The following ADAM32 variants were observed in gnomAD, a reference collection of about 807,000 sequenced individuals.
The protein encoded by ADAM32 is disintegrin and metalloproteinase domain-containing protein 32.
ADAM32 carries 89 observed loss-of-function variants against 114.9 expected under a neutral mutation model. The observed-to-expected ratio is 0.77, with a 90% CI of 0.65 to 0.92. ADAM32 has a LOEUF of 0.92. Among genes scored for constraint, ADAM32 ranks in the 40% least tolerant of loss-of-function variants. ADAM32 has a pLI of 0.00. For missense variants in ADAM32, 870 were observed against 932.8 expected, an observed-to-expected ratio of 0.93 and a Z score of 0.88; for synonymous variants, 285 against 307.5, an observed-to-expected ratio of 0.93 and a Z score of 0.77.
intron 3 of ADAM32, 24 bp downstream of exon 3, chr8:39,136,742 G>T: frequency 7.1e-7 from 1 of 1,404,818 alleles, no homozygotes; most frequent in Non-Finnish European, 9.6e-7. Context: ...CTTTAGTTTT[G>T]GATTTTATTT....
At chr8:39,222,783 T>C (rs1809068299) in intron 13 of ADAM32, among the ~76,000 whole-genome samples, 1 of 152,146 alleles carries the variant, frequency 6.6e-6, no homozygotes, top group African/African-American at 2.4e-5. Flanking sequence ...ACATTGAGAC[T>C]ACAAATAAAA....
intron 11 of ADAM32, among the ~76,000 whole-genome samples, chr8:39,206,783 G>A (rs995085130): frequency 5.1e-4 from 78 of 152,128 alleles, no homozygotes; most frequent in African/African-American, 1.8e-3. Flanking sequence ...GTGGGGGTAT[G>A]TCAATGGGAT....
intron 20 of ADAM32, among the ~76,000 whole-genome samples, chr8:39,273,276 C>T (rs989762195): frequency 2.0e-5 from 3 of 152,008 alleles, no homozygotes; most frequent in Non-Finnish European, 2.9e-5. Context: ...GAGGCTGAGG[C>T]GGGCGGATCA....
chr8:39,214,139 A>G (rs1447065180), intron 12 of ADAM32, among the ~76,000 whole-genome samples: 16 of 152,206 alleles, frequency 1.1e-4, no homozygotes, highest in Admixed American at 1.0e-3. Flanking sequence ...ATAGTGCTGC[A>G]GTAAACATGG....
chr8:39,256,070 A>G (rs1309332373), intron 18 of ADAM32, among the ~76,000 whole-genome samples: 1 of 151,798 alleles, frequency 6.6e-6, no homozygotes, highest in Non-Finnish European at 1.5e-5. Flanking sequence ...TCCCTATTCC[A>G]TTCCATTGGT....
At chr8:39,140,727 G>A (rs989516089) in intron 3 of ADAM32, among the ~76,000 whole-genome samples, 11 of 152,150 alleles carry the variant, frequency 7.2e-5, no homozygotes, top group Non-Finnish European at 1.3e-4. Flanking sequence ...CAGAAGGAAT[G>A]GTACCAGCTA....
At chr8:39,119,763 A>G (rs1374469792) in intron 2 of ADAM32, among the ~76,000 whole-genome samples, 16 of 150,910 alleles carry the variant, frequency 1.1e-4, no homozygotes, top group Non-Finnish European at 2.4e-4. Flanking sequence ...GTATCTAAGA[A>G]CTCTGTTATG....
At chr8:39,201,444 A>G (rs375865881) in intron 11 of ADAM32, among the ~76,000 whole-genome samples, 35,053 of 147,884 alleles carry the variant, frequency 0.24, 4,694 homozygotes, top group Non-Finnish European at 0.28. Context: ...TCATTGGTAT[A>G]TAGGAATGCT....
intron 6 of ADAM32, among the ~76,000 whole-genome samples, chr8:39,160,208 C>T (rs1308248286): frequency 1.3e-5 from 2 of 152,184 alleles, no homozygotes; most frequent in Non-Finnish European, 2.9e-5. Context: ...AATGAACTCA[C>T]CTCTTGATGA....
chr8:39,137,821 A>G (rs562988747), intron 3 of ADAM32, among the ~76,000 whole-genome samples: 2 of 152,036 alleles, frequency 1.3e-5, no homozygotes, highest in East Asian at 1.9e-4. Context: ...GTAAGATACT[A>G]AATAATTTTC....
At chr8:39,235,960 T>G (rs1810107643) in intron 16 of ADAM32, among the ~76,000 whole-genome samples, 1 of 152,220 alleles carries the variant, frequency 6.6e-6, no homozygotes, top group African/African-American at 2.4e-5. Context: ...CATCTCATTT[T>G]AAACTAAAAA....
chr8:39,176,813 G>A (rs369115799), intron 10 of ADAM32, among the ~76,000 whole-genome samples: 1 of 152,230 alleles, frequency 6.6e-6, no homozygotes, highest in East Asian at 1.9e-4. Flanking sequence ...ATTATTGTGT[G>A]GGAGTCTAAG....
At chr8:39,214,151 C>T (rs1030602497) in intron 12 of ADAM32, among the ~76,000 whole-genome samples, 13 of 152,072 alleles carry the variant, frequency 8.5e-5, no homozygotes, top group Non-Finnish European at 7.4e-5. Flanking sequence ...TAAACATGGG[C>T]ATGCAGATAT....
At chr8:39,193,600 TC>T (rs1190953390) in intron 11 of ADAM32, among the ~76,000 whole-genome samples, 1 of 152,220 alleles carries the variant, frequency 6.6e-6, no homozygotes, top group Non-Finnish European at 1.5e-5. Flanking sequence ...TCCGAGTTCT[TC>T]CGCTGGTTCT....
At chr8:39,131,091 G>A (rs1017696870) in intron 2 of ADAM32, among the ~76,000 whole-genome samples, 17 of 151,550 alleles carry the variant, frequency 1.1e-4, no homozygotes, top group African/African-American at 4.1e-4. Context: ...CAAGTAGCTG[G>A]GACTACAGGC....
intron 2 of ADAM32, chr8:39,130,106 T>G (rs888971217): frequency 1.1e-5 from 2 of 184,228 alleles, no homozygotes; most frequent in Non-Finnish European, 2.3e-5. Flanking sequence ...AGGTGCCTGC[T>G]ACCATGCTCA....
intron 16 of ADAM32, among the ~76,000 whole-genome samples, chr8:39,237,172 G>A (rs112485877): frequency 6.6e-6 from 1 of 152,116 alleles, no homozygotes; most frequent in Non-Finnish European, 1.5e-5. Flanking sequence ...CATAAAAGTA[G>A]AAGAAGCAGC....
rs1249894806 is a variant in ADAM32, at chr8:39,110,030, G to T, written c.58+2197G>T. ...TTTTTACTTAATAATATGCATTTAAGGTTCTCCCATGCCTTTTCATGGCTT... is the reference window on the plus strand; with the variant it reads ...TTTTTACTTAATAATATGCATTTAATGTTCTCCCATGCCTTTTCATGGCTT... On this transcript the variant is annotated intron_variant, in intron 1 of 24. Coordinates refer to ENST00000379907, the MANE Select transcript of ADAM32 (RefSeq NM_145004.7). Among the ~76,000 whole-genome samples, 3 of 151,866 alleles carry T rather than the reference G, an allele frequency of 2.0e-5. No individual in the cohort carries two copies. The East Asian group carries it at 5.8e-4, about 29-fold the overall frequency.
At chr8:39,209,281 T>C (rs1808054942) in intron 11 of ADAM32, among the ~76,000 whole-genome samples, 1 of 152,338 alleles carries the variant, frequency 6.6e-6, no homozygotes, top group South Asian at 2.1e-4. Flanking sequence ...TAATACATTT[T>C]TCAGTTTATC....
Sources: allele counts gnomAD v4.1 joint callset (sites outside exome capture counted in the v4.1 genomes callset), GRCh38; gene constraint gnomAD v4.1.1; transcripts MANE v1.5; gene names NCBI Gene and HGNC (gene_info 2026-07-23, HGNC 2026-07-21).